The following RARB variants were observed in gnomAD, a reference collection of about 807,000 sequenced individuals.
The protein encoded by RARB is HBV-activated protein.
A neutral mutation model predicts 51.9 loss-of-function variants in RARB; 17 were observed. The observed-to-expected ratio is 0.33, with a 90% CI of 0.22 to 0.49. The LOEUF (loss-of-function observed/expected upper bound fraction) is 0.49, where lower values mean the gene tolerates loss of function less well. Ranked by LOEUF, RARB falls within the 20% of genes least tolerant of loss-of-function variation. The pLI is 0.99. For missense variants in RARB, 369 were observed against 550.8 expected (o/e 0.67, Z 3.30); for synonymous variants, 215 against 195.4 (o/e 1.10, Z -0.84).
intron 3 of RARB, among the ~76,000 whole-genome samples, chr3:25,502,274 C>T (rs77466283): frequency 0.059 from 9,008 of 152,258 alleles, 291 homozygotes; most frequent in Non-Finnish European, 0.078. Flanking sequence ...TCATGATCCT[C>T]TAATGGAGTT....
rs755916963 is a variant in RARB, at chr3:25,478,511, G to A, written c.306+17170G>A. ...CTGAGACAGACTGAGGGAGCTGTGG[G>A]TTCCCACCACCCATCTTGCCCTACT... On this transcript the variant is annotated intron_variant, in intron 2 of 7. Transcript: ENST00000330688. 3.3e-4 allele frequency among the ~76,000 whole-genome samples: 51 copies of A among 152,272 alleles called. No individual in the cohort carries two copies. The Middle Eastern group carries it at 0.01, about 30-fold the overall frequency.
At chr3:25,549,385 A>G (rs995436404) in intron 3 of RARB, among the ~76,000 whole-genome samples, 1 of 152,166 alleles carries the variant, frequency 6.6e-6, no homozygotes, top group African/African-American at 2.4e-5. Context: ...GCCAGTACTA[A>G]CAAGATGCCA....
intron 5 of RARB, among the ~76,000 whole-genome samples, chr3:25,216,499 A>T (rs1701835005): frequency 6.6e-6 from 1 of 151,584 alleles, no homozygotes; most frequent in Non-Finnish European, 1.5e-5. Flanking sequence ...AAAACCAAAC[A>T]CTGCATGTTC....
intron 5 of RARB, among the ~76,000 whole-genome samples, chr3:25,216,405 A>G (rs2125381743): frequency 6.6e-6 from 1 of 152,380 alleles, no homozygotes; most frequent in Non-Finnish European, 1.5e-5. Flanking sequence ...CTATGCAGCC[A>G]TAAAAAGGAA....
chr3:25,236,947 T>C (rs1185364049), intron 5 of RARB, among the ~76,000 whole-genome samples: 1 of 118,092 alleles, frequency 8.5e-6, no homozygotes, highest in African/African-American at 3.2e-5. Flanking sequence ...CTGATAATTC[T>C]GTTCTCTTAT....
chr3:25,452,771 A>G (rs1295953257), intron 1 of RARB, among the ~76,000 whole-genome samples: 1 of 152,222 alleles, frequency 6.6e-6, no homozygotes, highest in Non-Finnish European at 1.5e-5. Flanking sequence ...TAAGGTGCTC[A>G]GTTCTCCCTC....
chr3:25,293,536 G>T (rs988685430), intron 5 of RARB, among the ~76,000 whole-genome samples: 3 of 136,224 alleles, frequency 2.2e-5, no homozygotes, highest in African/African-American at 7.9e-5. Context: ...AATTTCAGAT[G>T]ATATTTTGCA....
intron 5 of RARB, among the ~76,000 whole-genome samples, chr3:25,407,138 T>A (rs1707430847): frequency 6.6e-6 from 1 of 152,224 alleles, no homozygotes; most frequent in Non-Finnish European, 1.5e-5. Context: ...CATGTGCTTC[T>A]CTCTTCAAAA....
intron 5 of RARB, among the ~76,000 whole-genome samples, chr3:25,367,257 G>A (rs922943): frequency 0.42 from 63,717 of 151,956 alleles, 13,929 homozygotes; most frequent in East Asian, 0.75. Context: ...GGCTATGGTA[G>A]CATTTGAGCA....
At chr3:24,840,584 T>G (rs976526481) in intron 1 of RARB, among the ~76,000 whole-genome samples, 4 of 152,128 alleles carry the variant, frequency 2.6e-5, no homozygotes, top group African/African-American at 4.8e-5. Context: ...TTAGATTTCT[T>G]TTGTATGACA....
intron 5 of RARB, among the ~76,000 whole-genome samples, chr3:25,388,244 T>C (rs1559381345): frequency 1.3e-5 from 2 of 152,238 alleles, no homozygotes; most frequent in Admixed American, 6.5e-5. Context: ...AAAAAGCCTC[T>C]AAATTCTAAA....
intron 2 of RARB, among the ~76,000 whole-genome samples, chr3:24,883,116 A>C (rs1429563774): frequency 1.3e-5 from 2 of 152,000 alleles, no homozygotes; most frequent in Non-Finnish European, 2.9e-5. Context: ...CTGGGACCCA[A>C]CTCCAGACTT....
Position 25,161,578 on chromosome 3 carries a change from A to T in RARB, c.-279-12541A>T, listed in dbSNP as rs575141090. Among the ~76,000 whole-genome samples, 6 of 152,210 alleles carry T rather than the reference A, an allele frequency of 3.9e-5. No homozygotes were observed. The East Asian group carries it at 1.2e-3, about 29-fold the overall frequency. On this transcript the variant is annotated intron_variant, in intron 4 of 11. Transcript: ENST00000383772. ...CTTTCATCGTGGTCTCCACTGGCTC[A>T]CAAATGTAAAACACTCAAGATTCTC...
intron 2 of RARB, among the ~76,000 whole-genome samples, chr3:24,865,715 C>T (rs1000019152): frequency 6.6e-6 from 1 of 152,138 alleles, no homozygotes; most frequent in Non-Finnish European, 1.5e-5. Flanking sequence ...TGAATACAAA[C>T]ACAATTTGAG....
At chr3:25,174,544 T>G in exon 5 of RARB, 1 of 1,352,082 alleles carries the variant, frequency 7.4e-7, no homozygotes, top group South Asian at 1.1e-5. Flanking sequence ...GACATCCGCC[T>G]CCGAGTGGAT....
At chr3:25,357,511 T>A (rs1490910326) in intron 5 of RARB, among the ~76,000 whole-genome samples, 1 of 152,194 alleles carries the variant, frequency 6.6e-6, no homozygotes, top group Non-Finnish European at 1.5e-5. Flanking sequence ...AGCTCTTCAG[T>A]TTAATTAGAT....
At chr3:25,388,518 G>A (rs1706858403) in intron 5 of RARB, among the ~76,000 whole-genome samples, 1 of 152,172 alleles carries the variant, frequency 6.6e-6, no homozygotes, top group Non-Finnish European at 1.5e-5. Context: ...CTTGATAAGT[G>A]TACCATCAGA....
At chr3:24,849,637 T>C (rs1043106457) in intron 1 of RARB, among the ~76,000 whole-genome samples, 1 of 152,234 alleles carries the variant, frequency 6.6e-6, no homozygotes, top group African/African-American at 2.4e-5. Context: ...GAGAGAAGCT[T>C]CTCAAATACA....
At chr3:24,838,885 T>A in intron 1 of RARB, among the ~76,000 whole-genome samples, 1 of 151,388 alleles carries the variant, frequency 6.6e-6, no homozygotes, top group East Asian at 1.9e-4. Context: ...TTTAGAAATC[T>A]GAATTTTTAT....
Sources: allele counts gnomAD v4.1 joint callset (sites outside exome capture counted in the v4.1 genomes callset), GRCh38; gene constraint gnomAD v4.1.1; transcripts MANE v1.5; gene names NCBI Gene and HGNC (gene_info 2026-07-23, HGNC 2026-07-21).